LIMK2: variants seen among roughly 807,000 people sequenced by gnomAD.
The protein encoded by LIMK2 is LIM domain kinase 2.
Under a neutral mutation model 75.7 loss-of-function variants are expected in LIMK2, and 35 were observed. That is an observed-to-expected ratio of 0.46 (90% CI 0.35 to 0.61). The LOEUF is 0.61. LIMK2 is among the 20% of genes least tolerant of loss of function. LIMK2 has a pLI of 0.00. For missense variants in LIMK2, 623 were observed against 831.0 expected (o/e 0.75, Z 3.08); for synonymous variants, 301 against 319.2 (o/e 0.94, Z 0.61).
intron 2 of LIMK2, among the ~76,000 whole-genome samples, chr22:31,241,272 T>C (rs1342116287): frequency 1.3e-5 from 2 of 152,160 alleles, no homozygotes; most frequent in African/African-American, 4.8e-5. Flanking sequence ...TTTGAGGCAG[T>C]TTTAGTATGT....
At chr22:31,217,763 T>TGGGGGG (rs2048400473) in intron 1 of LIMK2, among the ~76,000 whole-genome samples, 1 of 152,240 alleles carries the variant, frequency 6.6e-6, no homozygotes, top group South Asian at 2.1e-4. Context: ...AGTTGCAGTC[T>TGGGGGG]GGGTGGCCTG....
chr22:31,248,220 C>G lies in LIMK2; in HGVS notation c.117-10071C>G, dbSNP rs150987670. 91 of 531,168 alleles carry G rather than the reference C, an allele frequency of 1.7e-4. 3 individuals are homozygous for G. In the South Asian group the frequency reaches 1.9e-3, roughly 11 times the overall value. 32.9% of individuals were successfully genotyped at this position (531,168 alleles called of 1,614,324 possible). A position where few individuals can be genotyped will look rare whatever the true frequency, so the allele number is the denominator to read the frequency against. On this transcript the variant is annotated intron_variant, in intron 2 of 15. Coordinates refer to ENST00000331728, the MANE Select transcript of LIMK2 (RefSeq NM_005569.4). The stretch of plus-strand genomic sequence containing the variant: ...TGTCTGCAGCGCCTGCCTGCAGCCT[C>G]GATCCAGCCCAGCTCCACCCCTTGC...
At chr22:31,239,841 T>C (rs932721566) in intron 2 of LIMK2, among the ~76,000 whole-genome samples, 1 of 152,210 alleles carries the variant, frequency 6.6e-6, no homozygotes, top group Non-Finnish European at 1.5e-5. Context: ...CTTTGGACAC[T>C]TGAATAAAGT....
chr22:31,213,443 A>G (rs1039605059), intron 1 of LIMK2, among the ~76,000 whole-genome samples: 4 of 152,148 alleles, frequency 2.6e-5, no homozygotes, highest in Admixed American at 2.0e-4. Flanking sequence ...GGGGCTGGCT[A>G]TCTGCCCCCT....
intron 15 of LIMK2, among the ~76,000 whole-genome samples, chr22:31,276,451 T>TTCGGCGGCGGCAGCC (rs1453429008): frequency 8.9e-6 from 1 of 112,640 alleles, no homozygotes; most frequent in Non-Finnish European, 2.2e-5. Flanking sequence ...GAGAAAGCGC[T>TTCGGCGGCGGCAGCC]TCGGCGGCGG....
chr22:31,227,722 A>C (rs924267281), intron 2 of LIMK2, among the ~76,000 whole-genome samples: 1 of 152,254 alleles, frequency 6.6e-6, no homozygotes, highest in Non-Finnish European at 1.5e-5. Flanking sequence ...TCGCCTTGGC[A>C]TGTAACCCAT....
At chr22:31,266,929 A>G (rs2048902010) in intron 8 of LIMK2, 55 bp from the exon 9 acceptor site, 1 of 1,260,116 alleles carries the variant, frequency 7.9e-7, no homozygotes, top group Non-Finnish European at 1.1e-6. Context: ...TTTCTCAAAC[A>G]GTTCTCCAGA....
Position 31,225,149 on chromosome 22 carries a change from G to A in LIMK2, c.17-571G>A, listed in dbSNP as rs539775996. Among the ~76,000 whole-genome samples the A allele has an allele frequency of 5.3e-4, 80 of 152,082 alleles. 1 individual carries two copies. In the South Asian group the frequency reaches 9.1e-3, roughly 17 times the overall value. Reference sequence around the variant, plus strand: ...CCCCCCAACCCCCAGCCTAGGGTCCGTGGAAAAATTGGCCCCTGGTGCCAA... The same window carrying A: ...CCCCCCAACCCCCAGCCTAGGGTCCATGGAAAAATTGGCCCCTGGTGCCAA... On this transcript the variant is annotated intron_variant, in intron 1 of 15. Transcript: ENST00000331728.
At chr22:31,239,992 C>A (rs2048611111) in intron 2 of LIMK2, among the ~76,000 whole-genome samples, 1 of 152,130 alleles carries the variant, frequency 6.6e-6, no homozygotes, top group African/African-American at 2.4e-5. Context: ...AGTCTTAAAC[C>A]ATCAAAACCA....
chr22:31,224,090 A>G (rs1273153750), intron 1 of LIMK2, among the ~76,000 whole-genome samples: 1 of 152,210 alleles, frequency 6.6e-6, no homozygotes, highest in Non-Finnish European at 1.5e-5. Flanking sequence ...CTGCATACAC[A>G]GAGCGCACAA....
intron 11 of LIMK2, among the ~76,000 whole-genome samples, chr22:31,269,286 CTTTTTTTTTT>C (rs796361643): frequency 4.2e-5 from 4 of 95,480 alleles, no homozygotes; most frequent in Non-Finnish European, 6.6e-5. Context: ...ATTTTTTTTT[CTTTTTTTTTT>C]TTTTTTTTTT....
intron 2 of LIMK2, among the ~76,000 whole-genome samples, chr22:31,231,119 G>A (rs541794673): frequency 6.6e-6 from 1 of 152,236 alleles, no homozygotes; most frequent in East Asian, 1.9e-4. Flanking sequence ...AGAGTCTCTT[G>A]GCATTCTTGA....
intron 1 of LIMK2, among the ~76,000 whole-genome samples, chr22:31,223,869 G>A (rs1318038768): frequency 2.0e-5 from 3 of 152,190 alleles, no homozygotes; most frequent in African/African-American, 7.2e-5. Flanking sequence ...GGGTTGAGGT[G>A]GTGTTTTAAG....
Position 31,260,091 on chromosome 22 carries a change from G to A in LIMK2, c.551+14G>A. On this transcript the variant is annotated intron_variant, in intron 5 of 15. Coordinates refer to ENST00000331728, the MANE Select transcript of LIMK2 (RefSeq NM_005569.4). ...GCAAGTGAAAGAGTAAGTATTTTGA[G>A]AACCCTTCAGCAGGGGTTCTTGAGC... 1 of 1,549,316 alleles carries A rather than the reference G, an allele frequency of 6.5e-7. No individual in the cohort carries two copies. The highest frequency in any genetic ancestry group is 8.7e-7 in the Non-Finnish European group (1 of 1,150,462).
At chr22:31,256,274 G>A (rs567055382) in intron 2 of LIMK2, among the ~76,000 whole-genome samples, 2 of 143,278 alleles carry the variant, frequency 1.4e-5, no homozygotes, top group African/African-American at 2.6e-5. Flanking sequence ...TGGGATTACA[G>A]GTGTGAGCCA....
intron 2 of LIMK2, among the ~76,000 whole-genome samples, chr22:31,249,096 T>G (rs796529908): frequency 5.9e-5 from 9 of 152,298 alleles, no homozygotes; most frequent in African/African-American, 2.2e-4. Flanking sequence ...ATAGCCCAAA[T>G]AGAGTGCTGT....
intron 4 of LIMK2, 74 bp downstream of exon 4, chr22:31,259,304 T>G: frequency 1.1e-6 from 1 of 890,154 alleles, no homozygotes; most frequent in Non-Finnish European, 1.9e-6. Context: ...GCAGGGTGAG[T>G]TGGGCAGAAG....
chr22:31,223,851 G>A (rs2048456950), intron 1 of LIMK2, among the ~76,000 whole-genome samples: 1 of 152,210 alleles, frequency 6.6e-6, no homozygotes, highest in South Asian at 2.1e-4. Flanking sequence ...GAGAAGAGTG[G>A]AATGGGTGGG....
At chr22:31,267,210 C>T (rs2048904764) in intron 9 of LIMK2, 140 bp downstream of exon 9, 1 of 579,834 alleles carries the variant, frequency 1.7e-6, no homozygotes, top group South Asian at 1.9e-5. Flanking sequence ...GAGGAATATC[C>T]CACTCCCTCT....
Sources: allele counts gnomAD v4.1 joint callset (sites outside exome capture counted in the v4.1 genomes callset), GRCh38; gene constraint gnomAD v4.1.1; transcripts MANE v1.5; gene names NCBI Gene and HGNC (gene_info 2026-07-23, HGNC 2026-07-21).